FILIP1L: variants seen among roughly 807,000 people sequenced by gnomAD.
FILIP1L encodes filamin A-interacting protein 1-like.
Under a neutral mutation model 96.6 loss-of-function variants are expected in FILIP1L, and 55 were observed. The ratio of observed to expected loss-of-function variants is 0.57; its 90% confidence interval spans 0.46 to 0.71. The LOEUF (loss-of-function observed/expected upper bound fraction) is 0.71. FILIP1L is among the 30% of genes least tolerant of loss of function. FILIP1L has a pLI of 0.00. For synonymous variants in FILIP1L, 467 were observed against 473.9 expected (o/e 0.99, Z 0.19); for missense variants, 1,304 against 1,321.2 (o/e 0.99, Z 0.20).
chr3:99,990,530 G>T (rs1709481135), intron 1 of FILIP1L, among the ~76,000 whole-genome samples: 1 of 152,164 alleles, frequency 6.6e-6, no homozygotes, highest in African/African-American at 2.4e-5. Flanking sequence ...TATCTATTAT[G>T]TGTTCCAGTG....
intron 1 of FILIP1L, among the ~76,000 whole-genome samples, chr3:100,113,387 C>CTTCTGTGGGG (rs1311381735): frequency 6.6e-6 from 1 of 152,226 alleles, no homozygotes; most frequent in African/African-American, 2.4e-5. Context: ...ATCCAGTCAT[C>CTTCTGTGGGG]TTCTGTGGGG....
chr3:99,854,552 A>G (rs879575035), intron 4 of FILIP1L, among the ~76,000 whole-genome samples: 10 of 152,270 alleles, frequency 6.6e-5, no homozygotes, highest in Admixed American at 2.0e-4. Flanking sequence ...GGGTTTCTCC[A>G]TCTTCAGCAC....
At chr3:100,008,903 G>T (rs28412784) in intron 1 of FILIP1L, among the ~76,000 whole-genome samples, 2 of 152,148 alleles carry the variant, frequency 1.3e-5, no homozygotes, top group Non-Finnish European at 2.9e-5. Flanking sequence ...ATTACAAAGT[G>T]CCTACATAGT....
intron 1 of FILIP1L, among the ~76,000 whole-genome samples, chr3:99,938,920 TA>T (rs1707775035): frequency 6.6e-6 from 1 of 152,158 alleles, no homozygotes; most frequent in East Asian, 1.9e-4. Flanking sequence ...ATCTGATGGC[TA>T]AAAAAAGACA....
intron 1 of FILIP1L, among the ~76,000 whole-genome samples, chr3:100,064,556 T>C (rs2065629594): frequency 6.6e-6 from 1 of 152,204 alleles, no homozygotes; most frequent in Non-Finnish European, 1.5e-5. Flanking sequence ...CCCACTATTA[T>C]ATGTAGAGAA....
rs371475352 is a variant in FILIP1L at position 99,850,020 on chromosome 3, A to G, written c.1656T>C (p.Asp552=). The G allele has an allele frequency of 1.0e-5, 16 of 1,607,382 alleles. No homozygotes were observed. The highest frequency in any genetic ancestry group is 1.3e-5 in the Non-Finnish European group (15 of 1,178,492). The change falls in exon 5 of 6, where the codon GAT becomes GAC. Residue 552 remains aspartate (D), a synonymous_variant. Coordinates refer to ENST00000477258, the MANE Select transcript of FILIP1L (RefSeq NM_001387850.1). ...ETKRALKSKT[D]VEEKMYSVTK... Reference sequence around the variant, plus strand: ...TTACGCTGTACATCTTTTCTTCTACATCGGTTTTGGACTTGAGCGCCCTTT... The same window carrying G: ...TTACGCTGTACATCTTTTCTTCTACGTCGGTTTTGGACTTGAGCGCCCTTT...
intron 1 of FILIP1L, among the ~76,000 whole-genome samples, chr3:100,052,970 G>A (rs2065398995): frequency 6.6e-6 from 1 of 151,868 alleles, no homozygotes; most frequent in Admixed American, 6.6e-5. Flanking sequence ...TTCATCCCTG[G>A]GATAAATGCT....
chr3:99,983,083 T>C (rs535387184), intron 1 of FILIP1L, among the ~76,000 whole-genome samples: 39 of 152,264 alleles, frequency 2.6e-4, no homozygotes, highest in African/African-American at 9.1e-4. Flanking sequence ...GATGAAAATA[T>C]TAAAAATGCC....
At chr3:99,862,012 G>T (rs1944285269) in intron 4 of FILIP1L, among the ~76,000 whole-genome samples, 1 of 152,156 alleles carries the variant, frequency 6.6e-6, no homozygotes, top group Non-Finnish European at 1.5e-5. Flanking sequence ...TTATCATAGT[G>T]CCTGGCACAA....
intron 1 of FILIP1L, among the ~76,000 whole-genome samples, chr3:100,031,599 A>G (rs1352280059): frequency 2.0e-5 from 3 of 152,174 alleles, no homozygotes; most frequent in Non-Finnish European, 2.9e-5. Context: ...TGAGACCCGC[A>G]TCCCTTGGCT....
At chr3:99,841,399 A>T (rs555019095) in intron 5 of FILIP1L, among the ~76,000 whole-genome samples, 147 of 152,316 alleles carry the variant, frequency 9.7e-4, no homozygotes, top group Non-Finnish European at 1.7e-3. Flanking sequence ...CTTTTGCCGG[A>T]ACAGCAGATA....
chr3:100,107,153 C>T lies in FILIP1L; in HGVS notation c.-11+6900G>A, dbSNP rs548414056. On this transcript the variant is annotated intron_variant, in intron 1 of 5. Coordinates refer to ENST00000477258, the MANE Select transcript of FILIP1L (RefSeq NM_001387850.1). ...TAAAAAAAAATCCTTGTTTTATATACAGATTAATTCCACTAGACCTAGCTG... is the reference window on the plus strand; with the variant it reads ...TAAAAAAAAATCCTTGTTTTATATATAGATTAATTCCACTAGACCTAGCTG... Among the ~76,000 whole-genome samples, 6 of 152,224 alleles carry T rather than the reference C, an allele frequency of 3.9e-5. No individual in the cohort carries two copies. In the East Asian group the frequency reaches 1.2e-3, roughly 29 times the overall value.
chr3:99,840,665 A>C (rs1943094330), intron 5 of FILIP1L, among the ~76,000 whole-genome samples: 1 of 152,200 alleles, frequency 6.6e-6, no homozygotes, highest in African/African-American at 2.4e-5. Context: ...TCCCAAAAGG[A>C]ATTTTAAATG....
chr3:100,100,538 C>T (rs907769416), intron 1 of FILIP1L, among the ~76,000 whole-genome samples: 2 of 152,176 alleles, frequency 1.3e-5, no homozygotes, highest in African/African-American at 4.8e-5. Context: ...CAAAGCTGTG[C>T]TTTTGCATGG....
chr3:100,041,727 G>T (rs2065207645), intron 1 of FILIP1L, among the ~76,000 whole-genome samples: 2 of 152,144 alleles, frequency 1.3e-5, no homozygotes, highest in African/African-American at 4.8e-5. Context: ...GTGAAATGGA[G>T]GTATTTTATG....
At chr3:99,964,556 C>A (rs897244491) in intron 1 of FILIP1L, among the ~76,000 whole-genome samples, 1 of 151,878 alleles carries the variant, frequency 6.6e-6, no homozygotes, top group African/African-American at 2.4e-5. Flanking sequence ...TCACTCTGTT[C>A]TTTGCACCAT....
chr3:99,888,292 G>A (rs1427408184), intron 4 of FILIP1L, among the ~76,000 whole-genome samples: 2 of 152,018 alleles, frequency 1.3e-5, no homozygotes, highest in Non-Finnish European at 2.9e-5. Context: ...CTTGAACCTG[G>A]AAGGTTGAGG....
chr3:99,897,080 C>T (rs1706279145), intron 4 of FILIP1L, among the ~76,000 whole-genome samples: 1 of 151,992 alleles, frequency 6.6e-6, no homozygotes, highest in Non-Finnish European at 1.5e-5. Flanking sequence ...AACTTTTGGC[C>T]AAGCATGGTG....
intron 1 of FILIP1L, among the ~76,000 whole-genome samples, chr3:99,937,337 C>G (rs755906597): frequency 1.3e-5 from 2 of 152,184 alleles, no homozygotes; most frequent in East Asian, 3.8e-4. Context: ...AACCCCTAGC[C>G]TTTGAGTCTA....
Sources: gnomAD v4.1 joint callset for allele counts (sites outside exome capture counted in the v4.1 genomes callset) on GRCh38, gnomAD v4.1.1 for gene constraint, MANE v1.5 for transcripts, NCBI Gene and HGNC (gene_info 2026-07-23, HGNC 2026-07-21) for gene names.